CEP63: variants seen among roughly 807,000 people sequenced by gnomAD.
CEP63 encodes centrosomal protein 63.
CEP63 carries 84 observed loss-of-function variants against 89.1 expected under a neutral mutation model. The observed-to-expected ratio is 0.94, with a 90% CI of 0.79 to 1.13. The LOEUF is 1.13. Among genes scored for constraint, CEP63 ranks in the 50% most tolerant of loss-of-function variants. The probability of loss-of-function intolerance (pLI) is 0.00; values close to 1 mark genes in which losing one functional copy is unlikely to be tolerated. For missense variants in CEP63, 838 were observed against 813.3 expected, an observed-to-expected ratio of 1.03 and a Z score of -0.37; for synonymous variants, 267 against 272.5, an observed-to-expected ratio of 0.98 and a Z score of 0.20.
intron 6 of CEP63, among the ~76,000 whole-genome samples, chr3:134,538,549 A>ATATATG (rs1183807682): frequency 1.4e-5 from 2 of 141,110 alleles, no homozygotes; most frequent in African/African-American, 2.5e-5. Flanking sequence ...ATATATATAT[A>ATATATG]TATATGTATA....
the CEP63 span, among the ~76,000 whole-genome samples, chr3:134,736,325 T>C: frequency 4.3e-4 from 65 of 152,210 alleles, 1 homozygote; most frequent in Middle Eastern, 3.4e-3. Context: ...CCACTTTTAT[T>C]TAACATTTTA....
the CEP63 span, among the ~76,000 whole-genome samples, chr3:134,666,927 A>G: frequency 9.1e-4 from 138 of 152,160 alleles, no homozygotes; most frequent in Non-Finnish European, 1.4e-3. Flanking sequence ...CTGCACTAGA[A>G]TCTGGGTCTG....
the CEP63 span, among the ~76,000 whole-genome samples, chr3:134,686,028 G>A: frequency 6.6e-6 from 1 of 152,168 alleles, no homozygotes; most frequent in Non-Finnish European, 1.5e-5. Context: ...CAGGGCTGGG[G>A]TCCAAGCCCT....
the CEP63 span, among the ~76,000 whole-genome samples, chr3:134,676,642 C>T: frequency 6.6e-6 from 1 of 152,078 alleles, no homozygotes; most frequent in Non-Finnish European, 1.5e-5. Context: ...TGTCTGAGAA[C>T]GGGGTCAACA....
chr3:134,713,982 C>T, the CEP63 span, among the ~76,000 whole-genome samples: 26,346 of 152,210 alleles, frequency 0.17, 2,374 homozygotes, highest in Middle Eastern at 0.24. Context: ...TGCTGAGCCA[C>T]AGCAGCCTCA....
At chr3:134,773,696 C>A in the CEP63 span, among the ~76,000 whole-genome samples, 196 of 152,234 alleles carry the variant, frequency 1.3e-3, 2 homozygotes, top group South Asian at 0.032. Context: ...CCCACCCCCC[C>A]ACCTTCTCTG....
Position 134,564,924 on chromosome 3 carries a change from A to G in CEP63, c.*3389A>G. On this transcript the variant is annotated 3_prime_UTR_variant, in exon 15 of 15. Coordinates refer to ENST00000675561, the MANE Select transcript of CEP63 (RefSeq NM_001353108.3). ...GTTTTTTAAAGCTGAAGTATCTAAT[A>G]GTTAATGGGTTGTCCAAATTTGTCA... The G allele has an allele frequency of 1.0e-6, 1 of 983,762 alleles. No homozygotes were observed. Among genetic ancestry groups the G allele is most frequent in the Non-Finnish European group, 1.2e-6 (1 of 828,398 alleles). 60.9% of individuals were successfully genotyped at this position (983,762 alleles called of 1,614,324 possible). A position where few individuals can be genotyped will look rare whatever the true frequency, so the allele number is the denominator to read the frequency against.
the CEP63 span, among the ~76,000 whole-genome samples, chr3:134,706,775 G>T: frequency 6.6e-6 from 1 of 152,210 alleles, no homozygotes; most frequent in Non-Finnish European, 1.5e-5. Flanking sequence ...CTCTGAAGGA[G>T]AATCTGTTCC....
At chr3:134,682,855 C>T in the CEP63 span, among the ~76,000 whole-genome samples, 5 of 152,186 alleles carry the variant, frequency 3.3e-5, no homozygotes, top group Non-Finnish European at 5.9e-5. Context: ...CTATCATGCT[C>T]AAGGCAGCAG....
chr3:134,570,637 GTCT>G (rs768693482), intron 11 of CEP63, among the ~76,000 whole-genome samples: 15 of 152,144 alleles, frequency 9.9e-5, no homozygotes, highest in Non-Finnish European at 1.6e-4. Flanking sequence ...ACATTTTCCT[GTCT>G]TCTTCTGAGC....
At chr3:134,614,635 C>T in the CEP63 span, among the ~76,000 whole-genome samples, 2 of 152,106 alleles carry the variant, frequency 1.3e-5, no homozygotes, top group Admixed American at 6.5e-5. Flanking sequence ...AACCCTGAAG[C>T]TGCTGAGTCT....
chr3:134,754,976 T>A, the CEP63 span, among the ~76,000 whole-genome samples: 1 of 152,014 alleles, frequency 6.6e-6, no homozygotes, highest in Non-Finnish European at 1.5e-5. Context: ...GGCTCCCTCT[T>A]CACTGCAGGT....
At chr3:134,617,603 T>G in the CEP63 span, among the ~76,000 whole-genome samples, 1 of 152,232 alleles carries the variant, frequency 6.6e-6, no homozygotes, top group African/African-American at 2.4e-5. Flanking sequence ...AGTAATAATT[T>G]CTTTTTTGCT....
intron 6 of CEP63, 77 bp from the exon 7 acceptor site, chr3:134,545,509 T>C: frequency 9.9e-7 from 1 of 1,013,082 alleles, no homozygotes; most frequent in Middle Eastern, 2.0e-4. Flanking sequence ...ATGGAAATAA[T>C]AGTTTCATTT....
the CEP63 span, among the ~76,000 whole-genome samples, chr3:134,652,656 A>G: frequency 0.32 from 47,224 of 148,118 alleles, 8,933 homozygotes; most frequent in East Asian, 0.66. Context: ...ACACACACAC[A>G]CGCGCGCGCG....
At chr3:134,673,047 C>T in the CEP63 span, among the ~76,000 whole-genome samples, 1 of 152,188 alleles carries the variant, frequency 6.6e-6, no homozygotes, top group Non-Finnish European at 1.5e-5. Flanking sequence ...AGTACTTCCA[C>T]CCCTCCGTGA....
At chr3:134,548,477 C>G (rs1217465578) in intron 9 of CEP63, among the ~76,000 whole-genome samples, 1 of 152,176 alleles carries the variant, frequency 6.6e-6, no homozygotes, top group African/African-American at 2.4e-5. Flanking sequence ...TTCATAACCT[C>G]TCAACTTTTT....
At chr3:134,657,536 C>T in the CEP63 span, among the ~76,000 whole-genome samples, 11 of 152,162 alleles carry the variant, frequency 7.2e-5, no homozygotes, top group African/African-American at 1.9e-4. Context: ...TGCTTAGTCA[C>T]TTTTTATACT....
At chr3:134,708,986 C>T in the CEP63 span, among the ~76,000 whole-genome samples, 1 of 152,100 alleles carries the variant, frequency 6.6e-6, no homozygotes, top group Non-Finnish European at 1.5e-5. Flanking sequence ...AGGAAAAAAA[C>T]CACTGTCTTC....
Sources: gnomAD v4.1 joint callset for allele counts (sites outside exome capture counted in the v4.1 genomes callset) on GRCh38, gnomAD v4.1.1 for gene constraint, MANE v1.5 for transcripts, NCBI Gene and HGNC (gene_info 2026-07-23, HGNC 2026-07-21) for gene names.